TEX26: variants seen among roughly 807,000 people sequenced by gnomAD.
The protein encoded by TEX26 is testis-expressed protein 26.
In TEX26, 34 loss-of-function variants were observed where a neutral mutation model predicts 35.3. The ratio of observed to expected loss-of-function variants is 0.96; its 90% confidence interval spans 0.73 to 1.28. The LOEUF is 1.28. Among genes scored for constraint, TEX26 ranks in the 50% most tolerant of loss-of-function variants. The pLI is 0.00. For synonymous variants in TEX26, 136 were observed against 111.8 expected, an observed-to-expected ratio of 1.22 and a Z score of -1.36; for missense variants, 371 against 330.1, an observed-to-expected ratio of 1.12 and a Z score of -0.96.
rs575777153 is a variant in TEX26 at position 30,945,513 on chromosome 13, G to GT, written c.146+5743dup. On this transcript the variant is annotated intron_variant, in intron 2 of 6. Transcript: ENST00000380473. ...ATGTTAATTGCTACCTAGATACTTT[G>GT]TTTTTTTTCATTGTGTTATTGTTTT... Among the ~76,000 whole-genome samples, 184 of 151,024 alleles carry GT rather than the reference G, an allele frequency of 1.2e-3. 1 individual carries two copies. Among genetic ancestry groups the GT allele is most frequent in the South Asian group, 6.5e-3 (31 of 4,768 alleles).
intron 6 of TEX26, among the ~76,000 whole-genome samples, chr13:30,973,113 T>C (rs1954767421): frequency 6.6e-6 from 1 of 152,208 alleles, no homozygotes; most frequent in African/African-American, 2.4e-5. Flanking sequence ...CTTAATAGCC[T>C]CAAACTGGAT....
At chr13:30,933,485 T>C (rs1953151705) in intron 1 of TEX26, 1 of 152,228 alleles carries the variant, frequency 6.6e-6, no homozygotes, top group Admixed American at 6.5e-5. Flanking sequence ...TCATAGTCTC[T>C]TGTGGCAATA....
chr13:30,968,044 T>C (rs796566711), intron 5 of TEX26, among the ~76,000 whole-genome samples: 21 of 152,304 alleles, frequency 1.4e-4, no homozygotes, highest in African/African-American at 5.1e-4. Context: ...ATCACCATCA[T>C]AGTGGCCAAG....
intron 6 of TEX26, among the ~76,000 whole-genome samples, chr13:30,971,025 C>T (rs1347405595): frequency 3.3e-5 from 5 of 152,236 alleles, no homozygotes; most frequent in African/African-American, 1.2e-4. Context: ...TGCCTGAAGG[C>T]TCATGCCCCA....
chr13:30,941,115 CATT>C (rs1409571805), intron 2 of TEX26, among the ~76,000 whole-genome samples: 1 of 152,180 alleles, frequency 6.6e-6, no homozygotes, highest in Non-Finnish European at 1.5e-5. Flanking sequence ...TCAGTTTTGT[CATT>C]AGTGAAATGG....
At chr13:30,945,000 G>T (rs930092599) in intron 2 of TEX26, among the ~76,000 whole-genome samples, 1 of 151,860 alleles carries the variant, frequency 6.6e-6, no homozygotes, top group Non-Finnish European at 1.5e-5. Context: ...TTTCTTTGTT[G>T]ACTTTCTGTC....
chr13:30,934,607 G>T, intron 1 of TEX26, among the ~76,000 whole-genome samples: 1 of 152,172 alleles, frequency 6.6e-6, no homozygotes, highest in African/African-American at 2.4e-5. Context: ...GCTTCAGGTA[G>T]CCATCGGCAC....
intron 1 of TEX26, among the ~76,000 whole-genome samples, chr13:30,939,123 C>T (rs775355182): frequency 2.7e-4 from 41 of 152,144 alleles, no homozygotes; most frequent in African/African-American, 5.3e-4. Flanking sequence ...AACTGAAACC[C>T]GATATGTCTA....
chr13:30,964,898 C>G (rs994827473), intron 4 of TEX26, among the ~76,000 whole-genome samples: 2 of 152,166 alleles, frequency 1.3e-5, no homozygotes, highest in Admixed American at 1.3e-4. Context: ...GGCAGAGTGC[C>G]CATGACCCAA....
chr13:30,936,968 T>C, intron 1 of TEX26: 2 of 985,374 alleles, frequency 2.0e-6, no homozygotes, highest in Non-Finnish European at 2.4e-6. Context: ...GCTTTGTCAA[T>C]GGAGGTAAAA....
chr13:30,938,399 AG>A (rs1224052725), intron 1 of TEX26, among the ~76,000 whole-genome samples: 1 of 152,204 alleles, frequency 6.6e-6, no homozygotes, highest in Non-Finnish European at 1.5e-5. Context: ...ATGGTTCTAG[AG>A]GATGGAAAGT....
At chr13:30,974,131 A>ATATATATATATAT (rs1555271792) in intron 6 of TEX26, among the ~76,000 whole-genome samples, 5 of 84,418 alleles carry the variant, frequency 5.9e-5, no homozygotes, top group African/African-American at 2.4e-4. Flanking sequence ...AAAAAAAAAA[A>ATATATATATATAT]ATATATATAT....
intron 2 of TEX26, among the ~76,000 whole-genome samples, chr13:30,948,951 C>G (rs1034175029): frequency 6.6e-5 from 10 of 152,154 alleles, no homozygotes; most frequent in African/African-American, 2.4e-4. Context: ...TTTCAGCTTT[C>G]TACATATGGC....
chr13:30,942,307 C>T (rs965603935), intron 2 of TEX26, among the ~76,000 whole-genome samples: 1 of 151,826 alleles, frequency 6.6e-6, no homozygotes, highest in African/African-American at 2.4e-5. Flanking sequence ...ATGTTTTTGG[C>T]CATTTGTATA....
At chr13:30,958,378 A>T (rs1320633051) in intron 4 of TEX26, among the ~76,000 whole-genome samples, 1 of 152,220 alleles carries the variant, frequency 6.6e-6, no homozygotes, top group Non-Finnish European at 1.5e-5. Context: ...TTCCTAAGTT[A>T]CTGAGAAAGC....
intron 1 of TEX26, chr13:30,936,988 A>G (rs1953295803): frequency 1.0e-6 from 1 of 985,236 alleles, no homozygotes. Flanking sequence ...AAGCATAGAA[A>G]TACAGCCCTT....
intron 6 of TEX26, 97 bp downstream of exon 6, chr13:30,969,143 C>T: frequency 9.1e-7 from 1 of 1,103,322 alleles, no homozygotes; most frequent in Non-Finnish European, 1.2e-6. Flanking sequence ...AGTTGAATGC[C>T]CACAAAAATG....
intron 4 of TEX26, among the ~76,000 whole-genome samples, chr13:30,958,426 A>T (rs1954217891): frequency 6.6e-6 from 1 of 152,228 alleles, no homozygotes; most frequent in African/African-American, 2.4e-5. Context: ...CCTGTGACAC[A>T]ATGGCAGTTG....
chr13:30,961,890 T>C (rs1253827667), intron 4 of TEX26, among the ~76,000 whole-genome samples: 3 of 152,238 alleles, frequency 2.0e-5, no homozygotes, highest in Non-Finnish European at 2.9e-5. Flanking sequence ...GTGATTTTTC[T>C]GTTTGGCCTC....
Sources: allele counts gnomAD v4.1 joint callset (sites outside exome capture counted in the v4.1 genomes callset), GRCh38; gene constraint gnomAD v4.1.1; transcripts MANE v1.5; gene names NCBI Gene and HGNC (gene_info 2026-07-23, HGNC 2026-07-21).